LMO7: variants seen among roughly 807,000 people sequenced by gnomAD.
LMO7 encodes LIM domain only protein 7.
In LMO7, 120 loss-of-function variants were observed where a neutral mutation model predicts 206.5. The ratio of observed to expected loss-of-function variants is 0.58; its 90% CI spans 0.50 to 0.68. The LOEUF is 0.68. Ranked by LOEUF, LMO7 falls within the 30% of genes least tolerant of loss-of-function variation. The pLI is 0.00. For missense variants in LMO7, 1,959 were observed against 1,957.9 expected, an observed-to-expected ratio of 1.00 and a Z score of -0.01; for synonymous variants, 706 against 681.5, an observed-to-expected ratio of 1.04 and a Z score of -0.56.
At chr13:75,857,895 T>C in intron 30 of LMO7, 26 bp from the exon 31 acceptor site, 1 of 1,558,584 alleles carries the variant, frequency 6.4e-7, no homozygotes, top group Non-Finnish European at 8.7e-7. Context: ...TAAGCACTTT[T>C]CTTTCTTTTC....
chr13:75,654,524 T>C (rs1487075247), intron 1 of LMO7, among the ~76,000 whole-genome samples: 1 of 152,168 alleles, frequency 6.6e-6, no homozygotes, highest in African/African-American at 2.4e-5. Flanking sequence ...AGGGAGGTTA[T>C]TGGATCTGGT....
chr13:75,781,702 C>T (rs916418857), intron 4 of LMO7, among the ~76,000 whole-genome samples: 16 of 151,286 alleles, frequency 1.1e-4, no homozygotes, highest in Non-Finnish European at 2.2e-4. Flanking sequence ...GGAATCGCCA[C>T]ACTGACTTCC....
At chr13:75,620,725 T>G (rs1033802852) in exon 1 of LMO7, 5 of 152,320 alleles carry the variant, frequency 3.3e-5, no homozygotes, top group Middle Eastern at 3.4e-3. Flanking sequence ...TATAACTTTT[T>G]AAGAAAGAAA....
At chr13:75,776,206 A>ATATATATATAT (rs2050474102) in intron 4 of LMO7, among the ~76,000 whole-genome samples, 1 of 36,620 alleles carries the variant, frequency 2.7e-5, no homozygotes, top group African/African-American at 7.4e-5. Flanking sequence ...TATATATATA[A>ATATATATATAT]CGTTAAGTCG....
rs1259746833 is a variant in LMO7 at position 75,681,706 on chromosome 13, G to GTGTGTATA, written c.70-31475_70-31474insGTGTATAT. On this transcript the variant is annotated intron_variant, in intron 1 of 30. Coordinates refer to ENST00000377534, the MANE Select transcript of LMO7 (RefSeq NM_001306080.2). ...ATGTCATGTATGTATGTATGTATGT[G>GTGTGTATA]TATATATATATGTATATATATATAT... Among the ~76,000 whole-genome samples, 187 of 93,258 alleles carry GTGTGTATA rather than the reference G, an allele frequency of 2.0e-3. 3 individuals are homozygous for GTGTGTATA. The highest frequency in any genetic ancestry group is 3.3e-3 in the African/African-American group (92 of 27,512). The allele number at this position is 93,258 out of a possible 152,430, so 61.2% of individuals were successfully genotyped here.
rs2138508212 is a variant in LMO7 at position 75,823,573 on chromosome 13, T to A, written c.2649T>A (p.Asp883Glu). 1 of 1,604,512 alleles carries A rather than the reference T, an allele frequency of 6.2e-7. No homozygotes were observed. Among genetic ancestry groups the A allele is most frequent in the South Asian group, 1.1e-5 (1 of 90,818 alleles). ...SSLPRSYTMD[D>E]AWKYNGDVED... Reference sequence around the variant, plus strand: ...GATGTTTTCTTATTTAGATGGATGATGCTTGGAAGTATAATGGAGATGTTG... The same window carrying A: ...GATGTTTTCTTATTTAGATGGATGAAGCTTGGAAGTATAATGGAGATGTTG... The change falls in exon 15 of 31, where the codon GAT (aspartate) becomes GAA (glutamate). Residue 883 changes from aspartate (D) to glutamate (E), a missense_variant. Physicochemically the swap from Asp to Glu is conservative, Grantham distance 45. Transcript: ENST00000377534.
chr13:75,800,968 A>T (rs1219134275), intron 7 of LMO7, 86 bp downstream of exon 7: 38 of 1,277,372 alleles, frequency 3.0e-5, no homozygotes, highest in Non-Finnish European at 3.7e-5. Flanking sequence ...TGGAGCAAAA[A>T]CTAGGCAAAA....
chr13:75,853,920 T>C (rs918234087), intron 28 of LMO7, among the ~76,000 whole-genome samples: 3 of 152,224 alleles, frequency 2.0e-5, no homozygotes, highest in African/African-American at 4.8e-5. Context: ...GATCTTGCTT[T>C]GGGGGTTTTT....
At chr13:75,824,939 T>A (rs2057968271) in intron 15 of LMO7, among the ~76,000 whole-genome samples, 2 of 152,150 alleles carry the variant, frequency 1.3e-5, no homozygotes, top group South Asian at 4.1e-4. Flanking sequence ...TGGGAAAACT[T>A]AAAAAATTTA....
At chr13:75,646,952 C>T (rs975719902) in intron 1 of LMO7, among the ~76,000 whole-genome samples, 3 of 152,184 alleles carry the variant, frequency 2.0e-5, no homozygotes, top group Non-Finnish European at 2.9e-5. Flanking sequence ...CATTTACTTA[C>T]GTCTTAGCTT....
At chr13:75,833,392 A>C (rs553293036) in intron 16 of LMO7, among the ~76,000 whole-genome samples, 5 of 152,254 alleles carry the variant, frequency 3.3e-5, no homozygotes, top group Admixed American at 3.3e-4. Context: ...AAGAGTCTTA[A>C]TTTTGTGATT....
At chr13:75,648,359 T>G (rs1000986264) in intron 1 of LMO7, among the ~76,000 whole-genome samples, 1 of 152,224 alleles carries the variant, frequency 6.6e-6, no homozygotes, top group Non-Finnish European at 1.5e-5. Context: ...AAAGAGAGGT[T>G]CAGAGAAGTT....
chr13:75,795,353 A>T (rs1159167112), intron 4 of LMO7, 48 bp from the exon 5 acceptor site: 5 of 1,280,258 alleles, frequency 3.9e-6, no homozygotes. Context: ...ATAATTAATA[A>T]TTTAAGGTTC....
At chr13:75,696,214 G>A (rs2041890948) in intron 1 of LMO7, among the ~76,000 whole-genome samples, 1 of 152,154 alleles carries the variant, frequency 6.6e-6, no homozygotes, top group Non-Finnish European at 1.5e-5. Flanking sequence ...AATGAGCCGG[G>A]CATGGTGGTG....
chr13:75,745,979 A>G (rs942918340), intron 3 of LMO7, among the ~76,000 whole-genome samples: 2 of 152,132 alleles, frequency 1.3e-5, no homozygotes, highest in East Asian at 3.9e-4. Flanking sequence ...TTCAATATAT[A>G]TCCGGTTGAT....
chr13:75,758,204 C>T (rs1005500290), intron 3 of LMO7, among the ~76,000 whole-genome samples: 9 of 152,074 alleles, frequency 5.9e-5, no homozygotes, highest in Non-Finnish European at 1.0e-4. Flanking sequence ...TTTATTTTTG[C>T]TAATTTCAAG....
intron 1 of LMO7, among the ~76,000 whole-genome samples, chr13:75,667,445 GTCAATCTCTTATCTTTCTGTTCA>G (rs2039173219): frequency 6.6e-6 from 1 of 152,010 alleles, no homozygotes; most frequent in South Asian, 2.1e-4. Context: ...GTTCACTTTT[GTCAATCTCTTATCTTTCTGTTCA>G]TTAGATTGAA....
intron 1 of LMO7, among the ~76,000 whole-genome samples, chr13:75,710,910 A>G (rs1167727878): frequency 6.6e-6 from 1 of 151,922 alleles, no homozygotes; most frequent in Non-Finnish European, 1.5e-5. Flanking sequence ...GTTTTTGCCC[A>G]TTCATTATGA....
At chr13:75,642,414 A>G (rs1006408) in intron 1 of LMO7, among the ~76,000 whole-genome samples, 71,460 of 142,588 alleles carry the variant, frequency 0.5, 18,314 homozygotes, top group Admixed American at 0.62. Context: ...AGACCAGCCT[A>G]GTCAACATAG....
Sources: allele counts gnomAD v4.1 joint callset (sites outside exome capture counted in the v4.1 genomes callset), GRCh38; gene constraint gnomAD v4.1.1; transcripts MANE v1.5; gene names NCBI Gene and HGNC (gene_info 2026-07-23, HGNC 2026-07-21).